PDZRN3: variants seen among roughly 807,000 people sequenced by gnomAD.
PDZRN3 encodes PDZ domain containing ring finger 3.
Under a neutral mutation model 85.7 loss-of-function variants are expected in PDZRN3, and 38 were observed. That is an observed-to-expected ratio of 0.44 (90% CI 0.34 to 0.58). The LOEUF is 0.58. PDZRN3 is among the 20% of genes least tolerant of loss of function. The pLI is 0.01. For missense variants in PDZRN3, 1,629 were observed against 1,506.4 expected, an observed-to-expected ratio of 1.08 and a Z score of -1.35; for synonymous variants, 759 against 638.0, an observed-to-expected ratio of 1.19 and a Z score of -2.86.
chr3:73,479,799 G>A lies in PDZRN3; in HGVS notation c.919-75404C>T, dbSNP rs149784929. On this transcript the variant is annotated intron_variant, in intron 3 of 9. Transcript: ENST00000263666. ...TTTCACAAATGTGGTGGGGACTCACGTTCACTATAAAAGAAAAATATGATT... is the reference window on the plus strand; with the variant it reads ...TTTCACAAATGTGGTGGGGACTCACATTCACTATAAAAGAAAAATATGATT... Among the ~76,000 whole-genome samples the A allele has an allele frequency of 7.1e-3, 1,081 of 152,146 alleles. 6 individuals are homozygous for A. Among genetic ancestry groups the A allele is most frequent in the African/African-American group, 0.022 (926 of 41,500 alleles).
chr3:73,424,726 G>C (rs1231482916), intron 3 of PDZRN3, among the ~76,000 whole-genome samples: 1 of 151,956 alleles, frequency 6.6e-6, no homozygotes, highest in Admixed American at 6.6e-5. Flanking sequence ...CAAAAAGTTG[G>C]AGCAGGCACT....
chr3:73,497,033 A>C (rs2106674832), intron 3 of PDZRN3, among the ~76,000 whole-genome samples: 1 of 152,386 alleles, frequency 6.6e-6, no homozygotes, highest in East Asian at 1.9e-4. Context: ...TCTGATGTTA[A>C]AATGTGACTA....
intron 3 of PDZRN3, among the ~76,000 whole-genome samples, chr3:73,472,012 A>T (rs1002228966): frequency 1.3e-5 from 2 of 152,174 alleles, no homozygotes; most frequent in Non-Finnish European, 2.9e-5. Flanking sequence ...TTTTCTCAAA[A>T]TGTCTTAAGC....
chr3:73,424,367 C>CAAAAAAAAAAAAAAA (rs66466551), intron 3 of PDZRN3, among the ~76,000 whole-genome samples: 1 of 54,854 alleles, frequency 1.8e-5, no homozygotes, highest in African/African-American at 7.5e-5. Flanking sequence ...CCGTCTCTAC[C>CAAAAAAAAAAAAAAA]AAAAAAAAAA....
At chr3:73,479,843 GTAT>G (rs1703527647) in intron 3 of PDZRN3, among the ~76,000 whole-genome samples, 1 of 152,120 alleles carries the variant, frequency 6.6e-6, no homozygotes, top group Non-Finnish European at 1.5e-5. Flanking sequence ...GCTATAGGTG[GTAT>G]TATTTTGTAA....
intron 2 of PDZRN3, among the ~76,000 whole-genome samples, chr3:73,606,942 C>T (rs1702609180): frequency 6.6e-6 from 1 of 152,130 alleles, no homozygotes; most frequent in South Asian, 2.1e-4. Context: ...AATTTAAATC[C>T]CAGACTCAAG....
chr3:73,595,857 C>T (rs1305905679), intron 3 of PDZRN3, among the ~76,000 whole-genome samples: 4 of 152,074 alleles, frequency 2.6e-5, no homozygotes, highest in East Asian at 1.9e-4. Context: ...ATGTTATTAT[C>T]GTGGTACATG....
intron 3 of PDZRN3, among the ~76,000 whole-genome samples, chr3:73,420,305 C>T (rs1361472779): frequency 6.6e-6 from 1 of 152,186 alleles, no homozygotes; most frequent in South Asian, 2.1e-4. Context: ...GCTGGCTGCG[C>T]TGGTGCATTT....
rs187920684 is a variant in PDZRN3 at position 73,565,625 on chromosome 3, G to C, written c.918+36729C>G. Among the ~76,000 whole-genome samples the C allele has an allele frequency of 2.6e-5, 4 of 152,092 alleles. No individual in the cohort carries two copies. In the East Asian group the frequency reaches 7.7e-4, roughly 29 times the overall value. Reference sequence around the variant, plus strand: ...TGGGACAAATCCTACCGCTTTCCAAGCCGACTCTTCATTGAAAACTATGCT... The same window carrying C: ...TGGGACAAATCCTACCGCTTTCCAACCCGACTCTTCATTGAAAACTATGCT... On this transcript the variant is annotated intron_variant, in intron 3 of 9. Transcript: ENST00000263666.
chr3:73,487,255 C>G (rs1383503381), intron 3 of PDZRN3, among the ~76,000 whole-genome samples: 2 of 151,970 alleles, frequency 1.3e-5, no homozygotes, highest in Non-Finnish European at 2.9e-5. Flanking sequence ...TTTTTTTTAA[C>G]TATAATAAAT....
At chr3:73,534,863 TAC>T (rs1159662573) in intron 3 of PDZRN3, among the ~76,000 whole-genome samples, 2 of 152,254 alleles carry the variant, frequency 1.3e-5, no homozygotes, top group Non-Finnish European at 2.9e-5. Flanking sequence ...ACTTCTGGTT[TAC>T]AAAGGACAGC....
At chr3:73,434,060 A>T in intron 3 of PDZRN3, 9 of 504,160 alleles carry the variant, frequency 1.8e-5, no homozygotes, top group East Asian at 1.5e-4. Context: ...GCTCTCATTG[A>T]CTATTCATAA....
intron 3 of PDZRN3, among the ~76,000 whole-genome samples, chr3:73,542,497 G>C (rs1701300960): frequency 6.6e-6 from 1 of 152,090 alleles, no homozygotes; most frequent in Admixed American, 6.5e-5. Context: ...TTGCTGGCCG[G>C]GTGTGGTGGC....
intron 3 of PDZRN3, among the ~76,000 whole-genome samples, chr3:73,601,606 T>C (rs1380253350): frequency 6.6e-6 from 1 of 152,148 alleles, no homozygotes; most frequent in African/African-American, 2.4e-5. Flanking sequence ...CTCATTTATA[T>C]CAAACTTTGC....
chr3:73,432,076 C>T lies in PDZRN3; in HGVS notation c.919-27681G>A, dbSNP rs186403575. The stretch of plus-strand genomic sequence containing the variant: ...GCAAATTTTAAAAACTACCTTTTGA[C>T]TTACTATGTTGAGCTATTTCAAATA... On this transcript the variant is annotated intron_variant, in intron 3 of 9. Coordinates refer to ENST00000263666, the MANE Select transcript of PDZRN3 (RefSeq NM_015009.3). 5.5e-3 allele frequency among the ~76,000 whole-genome samples: 832 copies of T among 152,342 alleles called. 8 individuals carry two copies. Among genetic ancestry groups the T allele is most frequent in the Non-Finnish European group, 9.8e-3 (669 of 68,026 alleles).
Position 73,624,528 on chromosome 3 carries a change from C to G in PDZRN3, c.298G>C (p.Glu100Gln), listed in dbSNP as rs1416522766. 2.7e-6 allele frequency: 4 copies of G among 1,477,146 alleles called. No individual in the cohort carries two copies. Among genetic ancestry groups the G allele is most frequent in the African/African-American group, 2.9e-5 (2 of 68,190 alleles). The allele number at this position is 1,477,146 out of a possible 1,614,324, so 91.5% of individuals were successfully genotyped here. ...GRVVKLQQLP[E>Q]HLERCDFAPA... ...GCGAAGTCGCAGCGCTCGAGGTGCT[C>G]CGGCAGCTGCTGCAGCTTGACCACC... The change falls in exon 1 of 10, where the codon GAG becomes CAG. Residue 100 changes from glutamate (E) to glutamine (Q), a missense_variant. Glu to Gln is a conservative substitution (Grantham distance 29). Coordinates refer to ENST00000263666, the MANE Select transcript of PDZRN3 (RefSeq NM_015009.3).
intron 1 of PDZRN3, among the ~76,000 whole-genome samples, chr3:73,619,733 C>T (rs1221769334): frequency 1.3e-5 from 2 of 152,050 alleles, no homozygotes; most frequent in Admixed American, 6.6e-5. Flanking sequence ...AGGTGGAAGC[C>T]GGTAGGATCC....
intron 2 of PDZRN3, among the ~76,000 whole-genome samples, chr3:73,602,811 C>CAAACTCT (rs1702534315): frequency 1.3e-5 from 2 of 152,162 alleles, no homozygotes; most frequent in Non-Finnish European, 2.9e-5. Context: ...TGTGATTATG[C>CAAACTCT]TAGTCTGACT....
At chr3:73,576,416 C>T (rs1702124165) in intron 3 of PDZRN3, among the ~76,000 whole-genome samples, 1 of 152,136 alleles carries the variant, frequency 6.6e-6, no homozygotes, top group Non-Finnish European at 1.5e-5. Context: ...GTCAAGACAA[C>T]TGCTAGTGTT....
Sources: allele counts gnomAD v4.1 joint callset (sites outside exome capture counted in the v4.1 genomes callset), GRCh38; gene constraint gnomAD v4.1.1; transcripts MANE v1.5; gene names NCBI Gene and HGNC (gene_info 2026-07-23, HGNC 2026-07-21).